P2RX2: variants seen among roughly 807,000 people sequenced by gnomAD.
P2RX2 encodes P2X purinoceptor 2.
A neutral mutation model predicts 54.8 loss-of-function variants in P2RX2; 50 were observed. That is an observed-to-expected ratio of 0.91 (90% CI 0.73 to 1.15). The LOEUF (loss-of-function observed/expected upper bound fraction) is 1.15. Ranked by LOEUF, P2RX2 falls within the 50% of genes most tolerant of loss-of-function variation. The pLI is 0.00. For synonymous variants in P2RX2, 289 were observed against 259.4 expected (o/e 1.11, Z -1.09); for missense variants, 658 against 633.2 (o/e 1.04, Z -0.42).
intron 10 of P2RX2, 27 bp downstream of exon 10, chr12:132,621,567 C>A (rs138785836): frequency 6.3e-7 from 1 of 1,596,530 alleles, no homozygotes; most frequent in Non-Finnish European, 8.5e-7. Flanking sequence ...GGGGTCCCAG[C>A]GGGTGCGGGG....
At position 132,621,331 on chromosome 12, in the gene P2RX2, A is replaced by G. The variant is rs76780477; in HGVS notation, c.982A>G (p.Ile328Val). ...GGCCTACGGGATCCGCATTGACGTC[A>G]TTGTGCATGGACAGGTGCCTGCACC... ...IKAYGIRIDV[I>V]VHGQAGKFSL... Residue 328 changes from isoleucine to valine, a missense_variant, in exon 9 of 11, where the codon ATT (isoleucine) becomes GTT (valine). Physicochemically the swap from Ile to Val is conservative, Grantham distance 29. Coordinates refer to ENST00000643471, the MANE Select transcript of P2RX2 (RefSeq NM_170682.4). 2 of 1,613,964 alleles carry G rather than the reference A, an allele frequency of 1.2e-6. No homozygotes were observed. The highest frequency in any genetic ancestry group is 2.2e-5 in the East Asian group (1 of 44,868).
At chr12:132,620,903 G>A in intron 7 of P2RX2, 98 bp from the exon 8 acceptor site, 2 of 175,326 alleles carry the variant, frequency 1.1e-5, no homozygotes, top group South Asian at 1.3e-4. Context: ...CCTCTCGTGT[G>A]CCCTTGTGAC....
intron 3 of P2RX2, 45 bp from the exon 4 acceptor site, chr12:132,619,799 C>G: frequency 6.2e-7 from 1 of 1,609,836 alleles, no homozygotes; most frequent in Non-Finnish European, 8.5e-7. Flanking sequence ...CTAGGCGGGC[C>G]AGCTGTCCCT....
In P2RX2 at chr12:132,620,068, T is replaced by G. The variant is rs1593672871; in HGVS notation, c.526T>G (p.Cys176Gly). Residue 176 changes from cysteine (C) to glycine (G), a missense_variant, in exon 5 of 11, where the codon TGC (cysteine) becomes GGC (glycine). Physicochemically the swap from Cys to Gly is radical, Grantham distance 159 (BLOSUM62 -3). Coordinates refer to ENST00000643471, the MANE Select transcript of P2RX2 (RefSeq NM_170682.4). ...CAAGACCTGCGAGGTGTTCGGCTGGTGCCCGGTGGAAGATGGGGCCTCTGT... is the reference window on the plus strand; with the variant it reads ...CAAGACCTGCGAGGTGTTCGGCTGGGGCCCGGTGGAAGATGGGGCCTCTGT... ...PSKTCEVFGW[C>G]PVEDGASVSQ... The G allele has an allele frequency of 6.3e-7, 1 of 1,586,562 alleles. No homozygotes were observed. The highest frequency in any genetic ancestry group is 8.6e-7 in the Non-Finnish European group (1 of 1,167,830).
chr12:132,620,516 G>C lies in P2RX2; in HGVS notation c.707G>C (p.Cys236Ser). The C allele has an allele frequency of 6.2e-7, 1 of 1,613,938 alleles. No homozygotes were observed. Among genetic ancestry groups the C allele is most frequent in the Non-Finnish European group, 8.5e-7 (1 of 1,179,972 alleles). The change falls in exon 7 of 11, where the codon TGC (cysteine) becomes TCC (serine). Residue 236 changes from cysteine to serine, a missense_variant. Physicochemically the swap from Cys to Ser is moderately radical, Grantham distance 112. Coordinates refer to ENST00000643471, the MANE Select transcript of P2RX2 (RefSeq NM_170682.4). The stretch of plus-strand genomic sequence containing the variant: ...TTCCACGAGGCCTCCGACCTCTACT[G>C]CCCCATCTTCAAGCTGGGCTTTATC... ...CTFHEASDLY[C>S]PIFKLGFIVE...
In P2RX2 at chr12:132,619,433, C is replaced by A; in HGVS notation, c.174-6C>A. 1 of 1,611,696 alleles carries A rather than the reference C, an allele frequency of 6.2e-7. No homozygotes were observed. Among genetic ancestry groups the A allele is most frequent in the Non-Finnish European group, 8.5e-7 (1 of 1,179,182 alleles). On this transcript the variant is annotated splice_polypyrimidine_tract_variant and splice_region_variant and intron_variant, in intron 1 of 10. Transcript: ENST00000643471. The stretch of plus-strand genomic sequence containing the variant: ...CCTCCGGAGCCGGCGCCGCCCCTGC[C>A]CGCAGGTACGTATTCATCGTGCAGA...
Position 132,619,007 on chromosome 12 carries a change from TGCGGGGCGCGGG to T in P2RX2, c.173+20_173+31del. On this transcript the variant is annotated intron_variant, in intron 1 of 10. Coordinates refer to ENST00000643471, the MANE Select transcript of P2RX2 (RefSeq NM_170682.4). ...TTCGTGTGGTGCGCGGGGCGCGGGG[TGCGGGGCGCGGG>T]GTGCGGGGCGCAGGGGAGGGGCTGG... 3 of 138,460 alleles carry T rather than the reference TGCGGGGCGCGGG, an allele frequency of 2.2e-5. No individual in the cohort carries two copies. The highest frequency in any genetic ancestry group is 8.4e-4 in the Admixed American group (1 of 1,194). 8.6% of individuals were successfully genotyped at this position (138,460 alleles called of 1,614,324 possible).
In P2RX2 at chr12:132,621,832, G is replaced by A. The variant is rs1293314878; in HGVS notation, c.1276G>A (p.Gly426Arg). 4 of 1,611,456 alleles carry A rather than the reference G, an allele frequency of 2.5e-6. No individual in the cohort carries two copies. Among genetic ancestry groups the A allele is most frequent in the South Asian group, 1.1e-5 (1 of 90,832 alleles). The change falls in exon 11 of 11, where the codon GGG becomes AGG. Residue 426 changes from glycine (G) to arginine (R), a missense_variant. By Grantham distance (125) the Gly-to-Arg change is moderately radical. Coordinates refer to ENST00000643471, the MANE Select transcript of P2RX2 (RefSeq NM_170682.4). ...SPPSGQEGQQ[G>R]AECGPAFPPL... ...TCCATCAGGCCAGGAGGGCCAACAA[G>A]GGGCAGAGTGTGGCCCAGCCTTCCC...
At position 132,619,159 on chromosome 12, in the gene P2RX2, G is replaced by T. The variant is rs1381690157; in HGVS notation, c.173+170G>T. On this transcript the variant is annotated intron_variant, in intron 1 of 10. Coordinates refer to ENST00000643471, the MANE Select transcript of P2RX2 (RefSeq NM_170682.4). ...CGGGGCAGGGGCTGGGATTGGGGGC[G>T]CGGGGCAGGGGCTGGGACTGGGGGC... Among the ~76,000 whole-genome samples, 513 of 98,416 alleles carry T rather than the reference G, an allele frequency of 5.2e-3. 28 individuals carry two copies. Among genetic ancestry groups the T allele is most frequent in the Admixed American group, 0.012 (116 of 9,802 alleles). 64.6% of individuals were successfully genotyped at this position (98,416 alleles called of 152,430 possible).
chr12:132,620,089 T>C lies in P2RX2; in HGVS notation c.547T>C (p.Ser183Pro), dbSNP rs776417946. 1.9e-6 allele frequency: 3 copies of C among 1,578,484 alleles called. No homozygotes were observed. The South Asian group carries it at 3.5e-5, about 18-fold the overall frequency. ...FGWCPVEDGA[S>P]VSQFLGTMAP... ...CTGGTGCCCGGTGGAAGATGGGGCC[T>C]CTGTCAGGTGCACCTGCGCCCCGGC... The change falls in exon 5 of 11, where the codon TCT (serine) becomes CCT (proline). Residue 183 changes from serine to proline, a missense_variant. Physicochemically the swap from Ser to Pro is moderately conservative, Grantham distance 74. Coordinates refer to ENST00000643471, the MANE Select transcript of P2RX2 (RefSeq NM_170682.4).
Position 132,622,294 on chromosome 12 carries a change from C to A in P2RX2, c.*322C>A. The A allele has an allele frequency of 8.9e-7, 1 of 1,126,566 alleles. No homozygotes were observed. The highest frequency in any genetic ancestry group is 1.1e-6 in the Non-Finnish European group (1 of 871,694). 69.8% of individuals were successfully genotyped at this position (1,126,566 alleles called of 1,614,324 possible). A position where few individuals can be genotyped will look rare whatever the true frequency, so the allele number is the denominator to read the frequency against. On this transcript the variant is annotated 3_prime_UTR_variant, in exon 11 of 11. Transcript: ENST00000643471. ...CGGTCTTGGGCCCTGGGAACCCCAC[C>A]CCACCCCACCCCACAGGCGTTGTAA...
In P2RX2 at chr12:132,621,459, C is replaced by G; in HGVS notation, c.997-16C>G. 6.4e-7 allele frequency: 1 copy of G among 1,570,012 alleles called. No homozygotes were observed. The highest frequency in any genetic ancestry group is 1.8e-5 in the Admixed American group (1 of 55,868). On this transcript the variant is annotated splice_polypyrimidine_tract_variant and intron_variant, in intron 9 of 10. Transcript: ENST00000643471. ...ACGCCGTCAGACATTCTGACCACGA[C>G]CCCCATTCTCCCCAGGCCGGGAAGT...
Position 132,618,872 on chromosome 12 carries a change from G to C in P2RX2, c.56G>C (p.Arg19Pro). The C allele has an allele frequency of 7.3e-7, 1 of 1,374,612 alleles. No individual in the cohort carries two copies. Among genetic ancestry groups the C allele is most frequent in the South Asian group, 1.9e-5 (1 of 52,382 alleles). The allele number at this position is 1,374,612 out of a possible 1,614,324, so 85.2% of individuals were successfully genotyped here. A position where few individuals can be genotyped will look rare whatever the true frequency, so the allele number is the denominator to read the frequency against. ...GGGGCGACCGCCCGGCGCCTGGCCC[G>C]GGGCTGCTGGTCCGCCCTCTGGGAC... ...PAGATARRLA[R>P]GCWSALWDYE... is the part of the protein sequence containing the mutation. The change falls in exon 1 of 11, where the codon CGG (arginine) becomes CCG (proline). Residue 19 changes from arginine to proline, a missense_variant. By Grantham distance (103) the Arg-to-Pro change is moderately radical. Coordinates refer to ENST00000643471, the MANE Select transcript of P2RX2 (RefSeq NM_170682.4).
At position 132,621,320 on chromosome 12, in the gene P2RX2, G is replaced by T. The variant is rs147592928; in HGVS notation, c.971G>T (p.Arg324Leu). ...TRTLIKAYGI[R>L]IDVIVHGQAG... ...ACGCTCATCAAGGCCTACGGGATCC[G>T]CATTGACGTCATTGTGCATGGACAG... is the stretch of plus-strand genomic sequence containing the variant. Residue 324 changes from arginine (R) to leucine (L), a missense_variant, in exon 9 of 11, where the codon CGC (arginine) becomes CTC (leucine). Physicochemically the swap from Arg to Leu is moderately radical, Grantham distance 102. Coordinates refer to ENST00000643471, the MANE Select transcript of P2RX2 (RefSeq NM_170682.4). 6.2e-7 allele frequency: 1 copy of T among 1,614,032 alleles called. No individual in the cohort carries two copies. Among genetic ancestry groups the T allele is most frequent in the East Asian group, 2.2e-5 (1 of 44,880 alleles).
intron 7 of P2RX2, 111 bp from the exon 8 acceptor site, chr12:132,620,890 G>T: frequency 2.5e-6 from 2 of 792,204 alleles, no homozygotes; most frequent in Non-Finnish European, 3.5e-6. Flanking sequence ...GGCTCTCGAG[G>T]GGCCTCTCGT....
Position 132,622,333 on chromosome 12 carries a change from C to A in P2RX2, c.*361C>A. 1 of 626,206 alleles carries A rather than the reference C, an allele frequency of 1.6e-6. No homozygotes were observed. Among genetic ancestry groups the A allele is most frequent in the Non-Finnish European group, 2.3e-6 (1 of 441,986 alleles). 38.8% of individuals were successfully genotyped at this position (626,206 alleles called of 1,614,324 possible). ...CAGGCGTTGTAACCTTGAATCTGCC[C>A]AGACTCTTCCCTTAGAAGTCACAAC... On this transcript the variant is annotated 3_prime_UTR_variant, in exon 11 of 11. Transcript: ENST00000643471.
chr12:132,620,382 G>C, intron 6 of P2RX2, 35 bp downstream of exon 6: 1 of 1,613,922 alleles, frequency 6.2e-7, no homozygotes, highest in Non-Finnish European at 8.5e-7. Context: ...GGCCCAGCCT[G>C]AGGGCTGCCT....
Position 132,619,542 on chromosome 12 carries a change from T to C in P2RX2, c.277T>C (p.Trp93Arg). The C allele has an allele frequency of 6.2e-7, 1 of 1,611,836 alleles. No homozygotes were observed. Among genetic ancestry groups the C allele is most frequent in the Non-Finnish European group, 8.5e-7 (1 of 1,179,260 alleles). ...KGITTSEHKVWDVEEYVKPPE... is the reference protein window; with the variant it reads ...KGITTSEHKVRDVEEYVKPPE... ...GATCACCACGTCCGAGCACAAAGTG[T>C]GGGACGTGGAGGAGTACGTGAAGCC... The change falls in exon 2 of 11, where the codon TGG becomes CGG. Residue 93 changes from tryptophan to arginine, a missense_variant. By Grantham distance (101) the Trp-to-Arg change is moderately radical. Coordinates refer to ENST00000643471, the MANE Select transcript of P2RX2 (RefSeq NM_170682.4).
In P2RX2 at chr12:132,621,740, T is replaced by C. The variant is rs760990570; in HGVS notation, c.1184T>C (p.Leu395Pro). ...SHPSGSWPVTLARVLGQAPPE... is the reference protein window; with the variant it reads ...SHPSGSWPVTPARVLGQAPPE... Reference sequence around the variant, plus strand: ...CCCTCAGGTAGCTGGCCTGTGACCCTTGCCCGTGTATTGGGCCAGGCCCCT... The same window carrying C: ...CCCTCAGGTAGCTGGCCTGTGACCCCTGCCCGTGTATTGGGCCAGGCCCCT... The change falls in exon 11 of 11, where the codon CTT becomes CCT. Residue 395 changes from leucine (L) to proline (P), a missense_variant. By Grantham distance (98) the Leu-to-Pro change is moderately conservative. Coordinates refer to ENST00000643471, the MANE Select transcript of P2RX2 (RefSeq NM_170682.4). 6.2e-7 allele frequency: 1 copy of C among 1,609,546 alleles called. No homozygotes were observed. The highest frequency in any genetic ancestry group is 8.5e-7 in the Non-Finnish European group (1 of 1,177,510).
Sources: gnomAD v4.1 joint callset for allele counts (sites outside exome capture counted in the v4.1 genomes callset) on GRCh38, gnomAD v4.1.1 for gene constraint, MANE v1.5 for transcripts, NCBI Gene and HGNC (gene_info 2026-07-23, HGNC 2026-07-21) for gene names.